Variants in EYS observed in about 807,000 individuals in gnomAD.
EYS encodes the protein EGF-like photoreceptor maintenance factor.
EYS carries 250 observed loss-of-function variants against 282.1 expected under a neutral mutation model. The observed-to-expected ratio is 0.89, with a 90% confidence interval of 0.80 to 0.98. The LOEUF (loss-of-function observed/expected upper bound fraction) is 0.98. Among genes scored for constraint, EYS ranks in the 50% least tolerant of loss-of-function variants. EYS has a pLI of 0.00. For synonymous variants in EYS, 1,355 were observed against 1,282.9 expected (o/e 1.06, Z -1.20); for missense variants, 4,016 against 3,709.0 (o/e 1.08, Z -2.15).
intron 35 of EYS, among the ~76,000 whole-genome samples, chr6:63,980,014 C>A (rs1426290051): frequency 1.3e-5 from 2 of 151,938 alleles, no homozygotes; most frequent in Non-Finnish European, 2.9e-5. Flanking sequence ...CACTTTACAG[C>A]AGTAAATTAG....
rs10944773 is a variant in EYS at position 64,977,806 on chromosome 6, C to A, written c.2259+19776G>T. 5.2e-3 allele frequency among the ~76,000 whole-genome samples: 787 copies of A among 151,880 alleles called. 8 individuals are homozygous for A. Among genetic ancestry groups the A allele is most frequent in the African/African-American group, 0.018 (733 of 41,474 alleles). The stretch of plus-strand genomic sequence containing the variant: ...AATCTGGATAGAAGATCAAATAAGT[C>A]ATGATAGTCCAGTTAGGCGAAACCC... On this transcript the variant is annotated intron_variant, in intron 14 of 42. Coordinates refer to ENST00000503581, the MANE Select transcript of EYS (RefSeq NM_001142800.2).
At chr6:65,523,640 A>T (rs1767452109) in intron 2 of EYS, among the ~76,000 whole-genome samples, 1 of 152,176 alleles carries the variant, frequency 6.6e-6, no homozygotes, top group Non-Finnish European at 1.5e-5. Flanking sequence ...GTCTATAAAA[A>T]ATTGTGTTGT....
intron 7 of EYS, among the ~76,000 whole-genome samples, chr6:65,385,489 A>G (rs1229095004): frequency 2.0e-5 from 3 of 151,916 alleles, no homozygotes; most frequent in African/African-American, 7.2e-5. Flanking sequence ...AGAAATAATC[A>G]TCCACTTTTT....
intron 12 of EYS, among the ~76,000 whole-genome samples, chr6:65,177,842 A>G (rs565832562): frequency 6.6e-6 from 1 of 151,988 alleles, no homozygotes; most frequent in Admixed American, 6.6e-5. Flanking sequence ...ACTTGATGTT[A>G]CTCATTGTAA....
At chr6:65,592,690 A>G (rs1180669959) in intron 2 of EYS, among the ~76,000 whole-genome samples, 3 of 152,032 alleles carry the variant, frequency 2.0e-5, no homozygotes, top group Non-Finnish European at 2.9e-5. Flanking sequence ...AGGCCCTGCC[A>G]TGATGCACCA....
At chr6:65,492,954 T>C (rs2127268824) in intron 4 of EYS, among the ~76,000 whole-genome samples, 1 of 152,300 alleles carries the variant, frequency 6.6e-6, no homozygotes, top group South Asian at 2.1e-4. Context: ...TCTCCCTTCA[T>C]CGCCCAGGCT....
At chr6:65,553,209 A>C (rs1768664527) in intron 2 of EYS, among the ~76,000 whole-genome samples, 1 of 152,262 alleles carries the variant, frequency 6.6e-6, no homozygotes, top group East Asian at 1.9e-4. Flanking sequence ...ATTTTTGCCA[A>C]GTGGCTTCAT....
intron 31 of EYS, among the ~76,000 whole-genome samples, chr6:64,176,666 T>C (rs1457212415): frequency 1.3e-5 from 2 of 152,220 alleles, no homozygotes; most frequent in East Asian, 1.9e-4. Flanking sequence ...AAAAAAAACT[T>C]CTAAATTCTC....
chr6:63,813,545 A>T (rs796433743), intron 36 of EYS, among the ~76,000 whole-genome samples: 1 of 152,328 alleles, frequency 6.6e-6, no homozygotes, highest in African/African-American at 2.4e-5. Context: ...TAAGTGCATC[A>T]AAAATTACTT....
intron 12 of EYS, among the ~76,000 whole-genome samples, chr6:65,252,556 T>A (rs1326772705): frequency 6.6e-6 from 1 of 151,988 alleles, no homozygotes; most frequent in African/African-American, 2.4e-5. Context: ...TTAAAATGCC[T>A]AGGGTATAAT....
chr6:65,341,733 C>G (rs1236532102), intron 10 of EYS, among the ~76,000 whole-genome samples: 1 of 151,194 alleles, frequency 6.6e-6, no homozygotes, highest in South Asian at 2.1e-4. Context: ...TTAAGCATCT[C>G]CAATGCTGTG....
chr6:65,342,550 A>G (rs191133449), intron 10 of EYS, among the ~76,000 whole-genome samples: 144 of 150,682 alleles, frequency 9.6e-4, no homozygotes, highest in African/African-American at 3.4e-3. Context: ...AAATTAATCA[A>G]ATTATTTTGG....
At chr6:65,302,003 A>ATT (rs75519588) in intron 11 of EYS, among the ~76,000 whole-genome samples, 40 of 152,238 alleles carry the variant, frequency 2.6e-4, no homozygotes, top group Admixed American at 2.1e-3. Flanking sequence ...TGAAAAACTG[A>ATT]TTTTTTTTGT....
At chr6:64,657,034 C>G (rs151218435) in intron 22 of EYS, among the ~76,000 whole-genome samples, 2,569 of 152,152 alleles carry the variant, frequency 0.017, 59 homozygotes, top group East Asian at 0.11. Flanking sequence ...GAATCTGGGT[C>G]CTCCTGTATT....
At chr6:64,664,482 T>C (rs143593549) in intron 22 of EYS, among the ~76,000 whole-genome samples, 227 of 152,242 alleles carry the variant, frequency 1.5e-3, no homozygotes, top group African/African-American at 5.1e-3. Context: ...CAATATGATA[T>C]GTCTGGAAAG....
At chr6:65,327,619 A>G (rs1769660772) in intron 11 of EYS, among the ~76,000 whole-genome samples, 1 of 151,616 alleles carries the variant, frequency 6.6e-6, no homozygotes, top group African/African-American at 2.4e-5. Context: ...ACTTCATACA[A>G]TGGAATTCAT....
intron 2 of EYS, among the ~76,000 whole-genome samples, chr6:65,548,110 TA>T (rs1430181823): frequency 6.6e-6 from 1 of 152,200 alleles, no homozygotes; most frequent in Non-Finnish European, 1.5e-5. Context: ...TCTTAAATTA[TA>T]AAAATAGTGG....
At chr6:64,297,717 C>G (rs967208658) in intron 30 of EYS, among the ~76,000 whole-genome samples, 1 of 152,134 alleles carries the variant, frequency 6.6e-6, no homozygotes, top group Non-Finnish European at 1.5e-5. Flanking sequence ...ATGGCTCACA[C>G]CTGTAATTCC....
At chr6:64,837,929 A>C (rs1342431695) in intron 19 of EYS, among the ~76,000 whole-genome samples, 1 of 151,642 alleles carries the variant, frequency 6.6e-6, no homozygotes, top group African/African-American at 2.4e-5. Flanking sequence ...TGATGACTAC[A>C]CTAAAAGTCT....
Sources: gnomAD v4.1 joint callset for allele counts (sites outside exome capture counted in the v4.1 genomes callset) on GRCh38, gnomAD v4.1.1 for gene constraint, MANE v1.5 for transcripts, NCBI Gene and HGNC (gene_info 2026-07-23, HGNC 2026-07-21) for gene names.